Variants in UBASH3B observed in about 807,000 individuals in gnomAD.
UBASH3B encodes the protein ubiquitin-associated and SH3 domain-containing protein B.
UBASH3B carries 37 observed loss-of-function variants against 83.4 expected under a neutral mutation model. The ratio of observed to expected loss-of-function variants is 0.44; its 90% CI spans 0.34 to 0.58. The LOEUF (loss-of-function observed/expected upper bound fraction) is 0.58. Among genes scored for constraint, UBASH3B ranks in the 20% least tolerant of loss-of-function variants. The probability of loss-of-function intolerance (pLI) is 0.01; values close to 1 mark genes in which losing one functional copy is unlikely to be tolerated. For missense variants in UBASH3B, 657 were observed against 827.2 expected, an observed-to-expected ratio of 0.79 and a Z score of 2.52; for synonymous variants, 304 against 318.3, an observed-to-expected ratio of 0.96 and a Z score of 0.48.
chr11:122,669,655 C>T (rs568967779), intron 1 of UBASH3B, among the ~76,000 whole-genome samples: 1 of 152,306 alleles, frequency 6.6e-6, no homozygotes, highest in South Asian at 2.1e-4. Context: ...AACCCAAGCA[C>T]CAGGTAGTCA....
In UBASH3B at chr11:122,808,214, G is replaced by A. The variant is rs763167094; in HGVS notation, c.1812+38G>A. 9.3e-6 allele frequency: 14 copies of A among 1,506,712 alleles called. No individual in the cohort carries two copies. The Admixed American group carries it at 1.2e-4, about 13-fold the overall frequency. The allele number at this position is 1,506,712 out of a possible 1,614,324, so 93.3% of individuals were successfully genotyped here. A position where few individuals can be genotyped will look rare whatever the true frequency, so the allele number is the denominator to read the frequency against. On this transcript the variant is annotated intron_variant, in intron 13 of 13. Coordinates refer to ENST00000284273, the MANE Select transcript of UBASH3B (RefSeq NM_032873.5). ...CGTACTTTGGGGTCCGTGATGGCTAGTAGTTTGAAGTCAGTACAGTGACTG... is the reference window on the plus strand; with the variant it reads ...CGTACTTTGGGGTCCGTGATGGCTAATAGTTTGAAGTCAGTACAGTGACTG...
chr11:122,705,721 C>A (rs1352647872), intron 1 of UBASH3B, among the ~76,000 whole-genome samples: 3 of 152,160 alleles, frequency 2.0e-5, no homozygotes, highest in Non-Finnish European at 4.4e-5. Flanking sequence ...ATGGGGGCAT[C>A]CACTGCCATC....
chr11:122,797,721 T>A lies in UBASH3B; in HGVS notation c.1357+688T>A, dbSNP rs117731292. On this transcript the variant is annotated intron_variant, in intron 9 of 13. Transcript: ENST00000284273. ...GGGAACACAAAAAGACATCTAAGAG[T>A]GAAGAGGTGAGCTGAGAGCTGAAGT... 5.3e-5 allele frequency among the ~76,000 whole-genome samples: 8 copies of A among 151,020 alleles called. No homozygotes were observed. The East Asian group carries it at 1.6e-3, about 29-fold the overall frequency.
chr11:122,721,374 G>T (rs542312360), intron 1 of UBASH3B, among the ~76,000 whole-genome samples: 2 of 151,418 alleles, frequency 1.3e-5, no homozygotes, highest in South Asian at 2.1e-4. Context: ...ACAGCACTAC[G>T]GGGGGGTGGG....
intron 1 of UBASH3B, among the ~76,000 whole-genome samples, chr11:122,704,491 G>A (rs1864089759): frequency 6.6e-6 from 1 of 151,978 alleles, no homozygotes; most frequent in Non-Finnish European, 1.5e-5. Context: ...CCTCAGAGAG[G>A]TTACAGATGA....
chr11:122,782,887 C>G, intron 4 of UBASH3B, 166 bp from the exon 5 acceptor site: 1 of 773,572 alleles, frequency 1.3e-6, no homozygotes, highest in South Asian at 1.8e-5. Context: ...CTTGCCATCC[C>G]CTTACCCCCT....
intron 1 of UBASH3B, among the ~76,000 whole-genome samples, chr11:122,701,903 G>A (rs1025578075): frequency 6.6e-6 from 1 of 152,108 alleles, no homozygotes; most frequent in Non-Finnish European, 1.5e-5. Flanking sequence ...CACCCAGGCT[G>A]GCATGTAGTG....
intron 1 of UBASH3B, among the ~76,000 whole-genome samples, chr11:122,720,749 A>T (rs1051945139): frequency 6.6e-5 from 10 of 152,076 alleles, no homozygotes; most frequent in African/African-American, 2.4e-4. Flanking sequence ...TCCCTGACTC[A>T]TTCATTACCT....
intron 1 of UBASH3B, among the ~76,000 whole-genome samples, chr11:122,772,335 C>A (rs1468137764): frequency 6.6e-6 from 1 of 152,166 alleles, no homozygotes; most frequent in African/African-American, 2.4e-5. Context: ...GGGTAGGGAC[C>A]ATACCTTCCT....
Position 122,796,926 on chromosome 11 carries a change from C to G in UBASH3B, c.1250C>G (p.Thr417Ser). ...TGTTTTTCAGGCCGCTACATACGCA[C>G]CAACCTGAACATGCCTCATAGTTTA... is the stretch of plus-strand genomic sequence containing the variant. ...CFDAKGRYIRTNLNMPHSLPQ... is the reference protein window; with the variant it reads ...CFDAKGRYIRSNLNMPHSLPQ... Residue 417 changes from threonine (T) to serine (S), a missense_variant, in exon 9 of 14, where the codon ACC (threonine) becomes AGC (serine). Physicochemically the swap from Thr to Ser is moderately conservative, Grantham distance 58 (BLOSUM62 1). This residue lies in a region of UBASH3B where 573 missense variants were observed against 739.0 expected (regional missense o/e 0.78). Transcript: ENST00000284273. 1 of 1,614,176 alleles carries G rather than the reference C, an allele frequency of 6.2e-7. No individual in the cohort carries two copies. The highest frequency in any genetic ancestry group is 1.1e-5 in the South Asian group (1 of 91,082).
At chr11:122,747,504 G>A (rs548360473) in intron 1 of UBASH3B, among the ~76,000 whole-genome samples, 4 of 152,324 alleles carry the variant, frequency 2.6e-5, no homozygotes, top group African/African-American at 9.6e-5. Flanking sequence ...GGGAGTGTGG[G>A]CTGGGCCATG....
At chr11:122,767,724 A>G (rs1010226649) in intron 1 of UBASH3B, among the ~76,000 whole-genome samples, 5 of 152,150 alleles carry the variant, frequency 3.3e-5, no homozygotes, top group African/African-American at 1.2e-4. Context: ...AGGACTAAGA[A>G]GGAGATTTTC....
Position 122,666,022 on chromosome 11 carries a change from G to C in UBASH3B, c.161+9812G>C, listed in dbSNP as rs186106124. Among the ~76,000 whole-genome samples the C allele has an allele frequency of 3.4e-4, 52 of 152,332 alleles. No homozygotes were observed. The East Asian group carries it at 9.3e-3, about 27-fold the overall frequency. On this transcript the variant is annotated intron_variant, in intron 1 of 13. Transcript: ENST00000284273. ...GGCAGTGAACTCCACCAGGACCAAG[G>C]CTGTTCTCGTGCAGAGTGGGAAGCT...
chr11:122,724,501 T>C (rs1860697419), intron 1 of UBASH3B, among the ~76,000 whole-genome samples: 1 of 152,176 alleles, frequency 6.6e-6, no homozygotes, highest in South Asian at 2.1e-4. Context: ...ACCACTGCCA[T>C]GTAAAGTTGC....
intron 1 of UBASH3B, among the ~76,000 whole-genome samples, chr11:122,719,596 A>G (rs1426771899): frequency 2.0e-5 from 3 of 152,162 alleles, no homozygotes; most frequent in Non-Finnish European, 4.4e-5. Flanking sequence ...AGGTAGTAAT[A>G]ATCAGCCTTA....
chr11:122,806,231 C>T lies in UBASH3B; in HGVS notation c.1596-179C>T, dbSNP rs1185654106. On this transcript the variant is annotated intron_variant, in intron 11 of 13. Coordinates refer to ENST00000284273, the MANE Select transcript of UBASH3B (RefSeq NM_032873.5). This position sits in a 1 kb window ranked among gnomAD's most constrained non-coding sequence, Gnocchi z 4.0. The stretch of plus-strand genomic sequence containing the variant: ...TAGCTGTTATTTCTGTACATTTCCA[C>T]TCCATGTTCATATAGTAGAAATGCT... 6.6e-6 allele frequency among the ~76,000 whole-genome samples: 1 copy of T among 152,232 alleles called. No individual in the cohort carries two copies. The highest frequency in any genetic ancestry group is 2.4e-5 in the African/African-American group (1 of 41,450).
intron 11 of UBASH3B, among the ~76,000 whole-genome samples, chr11:122,802,072 T>G (rs1231311221): frequency 2.0e-5 from 3 of 152,130 alleles, no homozygotes; most frequent in Non-Finnish European, 2.9e-5. Flanking sequence ...ATCCCAGCAC[T>G]CTGGGAGGCC....
intron 1 of UBASH3B, among the ~76,000 whole-genome samples, chr11:122,707,002 G>A (rs1864127957): frequency 6.6e-6 from 1 of 152,196 alleles, no homozygotes; most frequent in Non-Finnish European, 1.5e-5. Context: ...TTAGAAGGAA[G>A]TTCCTTTTAT....
At chr11:122,756,734 C>T (rs4936739) in intron 1 of UBASH3B, among the ~76,000 whole-genome samples, 7,198 of 152,216 alleles carry the variant, frequency 0.047, 418 homozygotes, top group African/African-American at 0.13. Context: ...GAGCCAAAGG[C>T]AAGCTGAGTG....
Sources: allele counts gnomAD v4.1 joint callset (sites outside exome capture counted in the v4.1 genomes callset), GRCh38; gene constraint gnomAD v4.1.1; regional missense constraint gnomAD v4.1.1; non-coding constraint Gnocchi (gnomAD v3.1); transcripts MANE v1.5; gene names NCBI Gene and HGNC (gene_info 2026-07-23, HGNC 2026-07-21).